Variants in CPNE4 observed in about 807,000 individuals in gnomAD.
CPNE4 encodes copine 4.
A neutral mutation model predicts 67.9 loss-of-function variants in CPNE4; 25 were observed. That is an observed-to-expected ratio of 0.37 (90% confidence interval 0.27 to 0.51). The LOEUF is 0.51. CPNE4 is among the 20% of genes least tolerant of loss of function. CPNE4 has a pLI of 0.93. For synonymous variants in CPNE4, 242 were observed against 244.9 expected (o/e 0.99, Z 0.11); for missense variants, 464 against 690.8 (o/e 0.67, Z 3.68).
Position 131,669,706 on chromosome 3 carries a change from A to G in CPNE4, c.650T>C (p.Leu217Pro), listed in dbSNP as rs1159877589. The G allele has an allele frequency of 6.2e-7, 1 of 1,613,802 alleles. No homozygotes were observed. The highest frequency in any genetic ancestry group is 2.2e-5 in the East Asian group (1 of 44,888). The change falls in exon 7 of 16, where the codon CTA (leucine) becomes CCA (proline). Residue 217 changes from leucine to proline, a missense_variant. This residue lies in a region of CPNE4 where 58 missense variants were observed against 63.5 expected (regional missense o/e 0.91). Transcript: ENST00000429747. ...CCGGCGGTCTGGGTCTCCGCTGCAT[A>G]GAGAATTTACAGATACTTTGAATGA... is the stretch of plus-strand genomic sequence containing the variant. ...WKSFKVSVNSLCSGDPDRRLK... is the reference protein window; with the variant it reads ...WKSFKVSVNSPCSGDPDRRLK...
At chr3:131,978,103 A>ATATATAAAATATATATAAATATATATATT (rs2072730248) in intron 1 of CPNE4, among the ~76,000 whole-genome samples, 1 of 69,690 alleles carries the variant, frequency 1.4e-5, no homozygotes, top group South Asian at 3.1e-4. Flanking sequence ...ATATATAAAT[A>ATATATAAAATATATATAAATATATATATT]TATATAAAAT....
chr3:131,833,379 G>A (rs1189699891), intron 2 of CPNE4, among the ~76,000 whole-genome samples: 1 of 152,150 alleles, frequency 6.6e-6, no homozygotes, highest in East Asian at 1.9e-4. Context: ...GAAGAGGGCT[G>A]GCCCAAAGTA....
rs187486481 is a variant in CPNE4, at chr3:131,929,652, G to A, written c.-1-24208C>T. On this transcript the variant is annotated intron_variant, in intron 1 of 15. Transcript: ENST00000429747. ...GCAAAGCCCCAAATGCTGTTCTTTC[G>A]CACATTCTCCCTCCCTTATCAAAAT... Among the ~76,000 whole-genome samples the A allele has an allele frequency of 1.5e-4, 23 of 152,012 alleles. No homozygotes were observed. The East Asian group carries it at 1.6e-3, about 10-fold the overall frequency.
chr3:131,688,090 G>A (rs965253014), intron 5 of CPNE4, among the ~76,000 whole-genome samples: 6 of 152,188 alleles, frequency 3.9e-5, no homozygotes, highest in Non-Finnish European at 7.3e-5. Flanking sequence ...GAAGGATTTT[G>A]AGCAGAAAAG....
At chr3:131,679,791 A>G (rs2080691882) in intron 6 of CPNE4, among the ~76,000 whole-genome samples, 1 of 152,094 alleles carries the variant, frequency 6.6e-6, no homozygotes. Flanking sequence ...TGGTCCAAGA[A>G]GCTGTTTTTA....
At chr3:131,950,362 C>A (rs1322473393) in intron 1 of CPNE4, among the ~76,000 whole-genome samples, 3 of 152,190 alleles carry the variant, frequency 2.0e-5, no homozygotes, top group African/African-American at 7.2e-5. Context: ...CTGGATAACA[C>A]TTCAGCACTA....
At chr3:131,978,093 A>ATATAAATATATATATT (rs2072727967) in intron 1 of CPNE4, among the ~76,000 whole-genome samples, 4 of 53,244 alleles carry the variant, frequency 7.5e-5, no homozygotes, top group African/African-American at 6.6e-4. Flanking sequence ...ATATAAATAT[A>ATATAAATATATATATT]TATATAAATA....
At chr3:131,841,398 C>T (rs1331513109) in intron 2 of CPNE4, among the ~76,000 whole-genome samples, 1 of 152,176 alleles carries the variant, frequency 6.6e-6, no homozygotes, top group South Asian at 2.1e-4. Flanking sequence ...TGGACCAGTA[C>T]CAGTCTGTGG....
chr3:131,862,080 CTA>C (rs1423900557), intron 2 of CPNE4, among the ~76,000 whole-genome samples: 3 of 151,978 alleles, frequency 2.0e-5, no homozygotes, highest in Admixed American at 1.3e-4. Context: ...TTTTTTTATT[CTA>C]TATCCTTTCT....
chr3:131,608,252 A>G (rs1939622242), intron 7 of CPNE4, among the ~76,000 whole-genome samples: 1 of 152,172 alleles, frequency 6.6e-6, no homozygotes, highest in Non-Finnish European at 1.5e-5. Context: ...CTTGGAACAC[A>G]GTAGGGGAAG....
chr3:131,781,524 C>A (rs1453596250), intron 2 of CPNE4, among the ~76,000 whole-genome samples: 1 of 152,094 alleles, frequency 6.6e-6, no homozygotes. Flanking sequence ...GATGTATAGT[C>A]TCCTTCTAAA....
chr3:131,599,803 T>C (rs1254781188), intron 7 of CPNE4, among the ~76,000 whole-genome samples: 1 of 152,150 alleles, frequency 6.6e-6, no homozygotes, highest in Non-Finnish European at 1.5e-5. Flanking sequence ...GAGGCACAGC[T>C]AAGTAAAGTC....
At chr3:131,906,202 GTT>G (rs3041554) in intron 1 of CPNE4, among the ~76,000 whole-genome samples, 52,255 of 143,372 alleles carry the variant, frequency 0.36, 9,384 homozygotes, top group East Asian at 0.54. Context: ...TTTATTTTTT[GTT>G]TTTTTTTGTT....
chr3:131,797,681 G>T (rs1350441250), intron 2 of CPNE4, among the ~76,000 whole-genome samples: 2 of 152,102 alleles, frequency 1.3e-5, no homozygotes, highest in African/African-American at 2.4e-5. Context: ...TCTAGCAATG[G>T]CAATCTGGTT....
chr3:131,792,043 T>C (rs930190277), intron 2 of CPNE4, among the ~76,000 whole-genome samples: 11 of 152,174 alleles, frequency 7.2e-5, no homozygotes, highest in Non-Finnish European at 1.6e-4. Flanking sequence ...AAAATGCCTA[T>C]GTATTTCCTG....
At chr3:131,824,277 T>C (rs1303067352) in intron 2 of CPNE4, among the ~76,000 whole-genome samples, 7 of 152,294 alleles carry the variant, frequency 4.6e-5, no homozygotes, top group Non-Finnish European at 7.4e-5. Context: ...CTGATATCTT[T>C]CTTGTTATCT....
At position 131,993,092 on chromosome 3, in the gene CPNE4, C is replaced by T. The variant is rs535550910; in HGVS notation, c.-2+41475G>A. 2.6e-4 allele frequency among the ~76,000 whole-genome samples: 36 copies of T among 136,056 alleles called. 2 individuals carry two copies. The highest frequency in any genetic ancestry group is 8.1e-4 in the African/African-American group (33 of 40,710). The allele number at this position is 136,056 out of a possible 152,430, so 89.3% of individuals were successfully genotyped here. A position where few individuals can be genotyped will look rare whatever the true frequency, so the allele number is the denominator to read the frequency against. ...TGAAGAGATAATGGAGGATAAGGCA[C>T]ATGATTTGCTTTTCAGCAAACTTGC... On this transcript the variant is annotated intron_variant, in intron 1 of 15. Coordinates refer to ENST00000429747, the MANE Select transcript of CPNE4 (RefSeq NM_130808.3).
chr3:131,943,728 G>A (rs945647385), intron 1 of CPNE4, among the ~76,000 whole-genome samples: 11 of 152,002 alleles, frequency 7.2e-5, no homozygotes, highest in African/African-American at 2.7e-4. Context: ...ACACTAACAT[G>A]ACCTCGTATC....
chr3:131,537,511 G>C (rs553774338), intron 15 of CPNE4: 277 of 180,914 alleles, frequency 1.5e-3, no homozygotes, highest in African/African-American at 6.4e-3. Flanking sequence ...TCGAACTCCT[G>C]ACCTCAGGTG....
Sources: gnomAD v4.1 joint callset for allele counts (sites outside exome capture counted in the v4.1 genomes callset) on GRCh38, gnomAD v4.1.1 for gene constraint, gnomAD v4.1.1 regional missense constraint, MANE v1.5 for transcripts, NCBI Gene and HGNC (gene_info 2026-07-23, HGNC 2026-07-21) for gene names.